Variants in RIGI observed in about 807,000 individuals in gnomAD.
The protein encoded by RIGI is RNA sensor RIG-I, also known as antiviral innate immune response receptor RIG-I.
At chr9:32,508,677 T>A in the RIGI span, among the ~76,000 whole-genome samples, 2 of 151,932 alleles carry the variant, frequency 1.3e-5, no homozygotes, top group East Asian at 3.9e-4. Context: ...TGGGTGGCCA[T>A]TTGGGCAGAC....
the RIGI span, chr9:32,493,894 AT>A: frequency 3.1e-6 from 5 of 1,608,692 alleles, no homozygotes; most frequent in Admixed American, 3.4e-5. Flanking sequence ...CAACTTTTCA[AT>A]TTTTTTGAAA....
the RIGI span, among the ~76,000 whole-genome samples, chr9:32,480,032 CAG>C: frequency 6.6e-6 from 1 of 152,238 alleles, no homozygotes; most frequent in Non-Finnish European, 1.5e-5. Flanking sequence ...GTATAAGCAA[CAG>C]ACTCTTCCCA....
chr9:32,467,724 C>T, the RIGI span: 1 of 1,520,244 alleles, frequency 6.6e-7, no homozygotes, highest in Non-Finnish European at 8.9e-7. Context: ...TCAGTCAAAA[C>T]AGAATCCATG....
chr9:32,503,061 A>G, the RIGI span, among the ~76,000 whole-genome samples: 1 of 152,184 alleles, frequency 6.6e-6, no homozygotes, highest in Non-Finnish European at 1.5e-5. Context: ...CACCTATCCC[A>G]GCTTCCCTGG....
the RIGI span, among the ~76,000 whole-genome samples, chr9:32,473,286 C>CCT: frequency 8.2e-6 from 1 of 122,574 alleles, no homozygotes; most frequent in Admixed American, 9.2e-5. Context: ...ATCTCTAAGA[C>CCT]TTTTTTTTTT....
chr9:32,457,039 G>T, the RIGI span: 2 of 1,045,852 alleles, frequency 1.9e-6, no homozygotes, highest in Non-Finnish European at 1.4e-6. Context: ...GGGTACAAGC[G>T]ATCCATGATT....
At chr9:32,499,163 C>T in the RIGI span, among the ~76,000 whole-genome samples, 1,191 of 151,940 alleles carry the variant, frequency 7.8e-3, 23 homozygotes, top group African/African-American at 0.026. Flanking sequence ...TTTCATTCTT[C>T]GTATTCATTG....
At chr9:32,493,804 A>G in the RIGI span, 1 of 1,607,856 alleles carries the variant, frequency 6.2e-7, no homozygotes, top group Non-Finnish European at 8.5e-7. Flanking sequence ...ACATTCAGAC[A>G]GATCAGAAAT....
At chr9:32,465,868 G>C in the RIGI span, among the ~76,000 whole-genome samples, 2 of 152,172 alleles carry the variant, frequency 1.3e-5, no homozygotes, top group Non-Finnish European at 2.9e-5. Flanking sequence ...AGGTTGATCT[G>C]AATAGGCATC....
chr9:32,477,234 A>C, the RIGI span: 1 of 1,396,502 alleles, frequency 7.2e-7, no homozygotes, highest in Non-Finnish European at 9.7e-7. Flanking sequence ...TAAATCTTTG[A>C]CCAGAATTTT....
chr9:32,477,114 C>G, the RIGI span: 120 of 1,613,282 alleles, frequency 7.4e-5, no homozygotes, highest in Non-Finnish European at 9.7e-5. Context: ...GAAACACTTT[C>G]TAGTTCCTGC....
At chr9:32,479,815 C>T in the RIGI span, among the ~76,000 whole-genome samples, 97 of 141,966 alleles carry the variant, frequency 6.8e-4, no homozygotes, top group Admixed American at 4.4e-4. Flanking sequence ...TGACCCTGGG[C>T]GACAAAGCAA....
the RIGI span, among the ~76,000 whole-genome samples, chr9:32,462,261 G>A: frequency 5.3e-5 from 8 of 152,092 alleles, no homozygotes; most frequent in South Asian, 1.5e-3. Flanking sequence ...ACATGCATGA[G>A]CTACACTTAT....
At chr9:32,478,825 G>T in the RIGI span, among the ~76,000 whole-genome samples, 1 of 152,112 alleles carries the variant, frequency 6.6e-6, no homozygotes, top group Non-Finnish European at 1.5e-5. Context: ...CTCCCAAAGT[G>T]CCATGGTGAC....
chr9:32,497,251 A>G, the RIGI span, among the ~76,000 whole-genome samples: 2 of 152,026 alleles, frequency 1.3e-5, no homozygotes, highest in Non-Finnish European at 2.9e-5. Context: ...TGAGTCTTTT[A>G]TCTCCTTGGT....
chr9:32,513,073 A>T, the RIGI span, among the ~76,000 whole-genome samples: 2 of 151,918 alleles, frequency 1.3e-5, no homozygotes, highest in Non-Finnish European at 2.9e-5. Context: ...ATAAAAGAGG[A>T]TACAAACAAA....
the RIGI span, chr9:32,455,861 T>A: frequency 4.6e-5 from 7 of 152,188 alleles, no homozygotes; most frequent in Non-Finnish European, 8.8e-5. Flanking sequence ...GTTTTACAGA[T>A]GAAGAAAAGC....
chr9:32,483,376 G>A, the RIGI span, among the ~76,000 whole-genome samples: 1 of 152,168 alleles, frequency 6.6e-6, no homozygotes, highest in Non-Finnish European at 1.5e-5. Context: ...TTGAACCTGG[G>A]TAGGTGTAAA....
chr9:32,493,732 C>T, the RIGI span: 1 of 1,400,674 alleles, frequency 7.1e-7, no homozygotes, highest in South Asian at 1.3e-5. Context: ...AATTATTTCC[C>T]CCAATTTTAG....
Sources: allele counts gnomAD v4.1 joint callset (sites outside exome capture counted in the v4.1 genomes callset), GRCh38; gene constraint gnomAD v4.1.1; transcripts MANE v1.5; gene names NCBI Gene and HGNC (gene_info 2026-07-23, HGNC 2026-07-21).